ARHGEF25: variants seen among roughly 807,000 people sequenced by gnomAD.
ARHGEF25 encodes Rho guanine nucleotide exchange factor 25, also known as RAC/CDC42 exchange factor.
ARHGEF25 carries 42 observed loss-of-function variants against 74.0 expected under a neutral mutation model. The observed-to-expected ratio is 0.57, with a 90% CI of 0.44 to 0.73. ARHGEF25 has a LOEUF of 0.73. ARHGEF25 is among the 30% of genes least tolerant of loss of function. The pLI is 0.00. For missense variants in ARHGEF25, 645 were observed against 725.5 expected (o/e 0.89, Z 1.27); for synonymous variants, 293 against 278.6 (o/e 1.05, Z -0.51).
chr12:57,612,674 C>T (rs1884102273), intron 1 of ARHGEF25: 1 of 1,330,510 alleles, frequency 7.5e-7, no homozygotes, highest in African/African-American at 1.5e-5. Context: ...ATGCTATGCT[C>T]AGGATATGGG....
chr12:57,613,588 T>C, intron 4 of ARHGEF25, 72 bp downstream of exon 4: 1 of 1,611,892 alleles, frequency 6.2e-7, no homozygotes, highest in Non-Finnish European at 8.5e-7. Context: ...TAGATGGAAT[T>C]TCCTCCAAGG....
At chr12:57,613,555 C>T in intron 4 of ARHGEF25, 39 bp downstream of exon 4, 1 of 1,613,150 alleles carries the variant, frequency 6.2e-7, no homozygotes, top group Non-Finnish European at 8.5e-7. Flanking sequence ...TGCACAACTT[C>T]CAGAAGACTG....
Position 57,614,103 on chromosome 12 carries a change from T to C in ARHGEF25, c.640T>C (p.Tyr214His). ...TGTGTTTGGGAATATCCAGCAAATC[T>C]ATGAGTGGCACCGAGAGTGAGTGGT... The part of the protein sequence containing the change: ...RIVFGNIQQI[Y>H]EWHRDYFLQE... Residue 214 changes from tyrosine (Y) to histidine (H), a missense_variant, in exon 6 of 15, where the codon TAT becomes CAT. By Grantham distance (83) the Tyr-to-His change is moderately conservative. Transcript: ENST00000286494. This position sits in a 1 kb window ranked among gnomAD's most constrained non-coding sequence, Gnocchi z 4.6. The C allele has an allele frequency of 6.2e-7, 1 of 1,614,116 alleles. No individual in the cohort carries two copies. The highest frequency in any genetic ancestry group is 2.2e-5 in the East Asian group (1 of 44,872).
At chr12:57,610,175 GC>G, upstream of ARHGEF25, 2 of 1,246,498 alleles carry the variant, frequency 1.6e-6, no homozygotes, top group Admixed American at 2.3e-5. Flanking sequence ...CAGCTTCAGT[GC>G]CCCCTCGACC....
chr12:57,615,653 C>G lies in ARHGEF25; in HGVS notation c.1180C>G (p.Leu394Val). ...FEQIIIFSEA[L>V]GGGVRGGTQP... ...GCAAATCATCATCTTCAGTGAAGCCCTGGGAGGAGGAGTGAGAGGTGGAAC... is the reference window on the plus strand; with the variant it reads ...GCAAATCATCATCTTCAGTGAAGCCGTGGGAGGAGGAGTGAGAGGTGGAAC... The change falls in exon 12 of 15, where the codon CTG becomes GTG. Residue 394 changes from leucine (L) to valine (V), a missense_variant. Around this residue, in one of 3 missense-constraint regions of ARHGEF25, gnomAD observed 262 missense variants for 256.9 expected, o/e 1.02. Transcript: ENST00000286494. 1.2e-6 allele frequency: 2 copies of G among 1,614,084 alleles called. No individual in the cohort carries two copies. The highest frequency in any genetic ancestry group is 1.7e-6 in the Non-Finnish European group (2 of 1,180,024).
At position 57,611,576 on chromosome 12, in the gene ARHGEF25, C is replaced by A; in HGVS notation, c.-319C>A. 4.0e-6 allele frequency: 4 copies of A among 1,003,894 alleles called. No homozygotes were observed. Among genetic ancestry groups the A allele is most frequent in the Non-Finnish European group, 3.6e-6 (3 of 842,012 alleles). The allele number at this position is 1,003,894 out of a possible 1,614,324, so 62.2% of individuals were successfully genotyped here. A position where few individuals can be genotyped will look rare whatever the true frequency, so the allele number is the denominator to read the frequency against. ...AGCGGCTGCCGCATCCCGGCCCAGCCTCCCCTACCATCCCTCCCCCTTCCA... is the reference window on the plus strand; with the variant it reads ...AGCGGCTGCCGCATCCCGGCCCAGCATCCCCTACCATCCCTCCCCCTTCCA... On this transcript the variant is annotated 5_prime_UTR_variant, in exon 1 of 15. Coordinates refer to ENST00000286494, the MANE Select transcript of ARHGEF25 (RefSeq NM_182947.4). The surrounding 1 kb of genome is among the most constrained non-coding windows in gnomAD (Gnocchi z 4.5).
chr12:57,612,891 G>C (rs769212408), intron 1 of ARHGEF25, 39 bp from the exon 2 acceptor site: 5 of 1,593,514 alleles, frequency 3.1e-6, no homozygotes, highest in Non-Finnish European at 4.3e-6. Flanking sequence ...CTGGAGCTGG[G>C]GCAAGGTCTA....
rs1458507021 is a variant in ARHGEF25, at chr12:57,616,892, T to C, written c.1741T>C (p.Ter581GlnextTer52). 3.1e-6 allele frequency: 5 copies of C among 1,613,024 alleles called. No individual in the cohort carries two copies. In the East Asian group the frequency reaches 8.9e-5, roughly 29 times the overall value. The part of the protein sequence containing the change: ...RLAKLDEDEL[*>Q] ...TGCCAAGCTGGATGAAGATGAGCTG[T>C]AACTGGTGAAAACCATGGGGGTGGT... The change falls in exon 15 of 15, where the codon TAA becomes CAA. Residue 581 changes from the stop codon to glutamine, a stop_lost. Coordinates refer to ENST00000286494, the MANE Select transcript of ARHGEF25 (RefSeq NM_182947.4).
Position 57,614,468 on chromosome 12 carries a change from C to G in ARHGEF25, c.727-48C>G, listed in dbSNP as rs775471227. The stretch of plus-strand genomic sequence containing the variant: ...GGGCTGGGATTCTCTGGAGATGCGT[C>G]CTCCCTCCTTGCCCACCCTGCTCTC... On this transcript the variant is annotated intron_variant, in intron 7 of 14. Coordinates refer to ENST00000286494, the MANE Select transcript of ARHGEF25 (RefSeq NM_182947.4). The surrounding 1 kb of genome is among the most constrained non-coding windows in gnomAD (Gnocchi z 4.6). 3.1e-6 allele frequency: 5 copies of G among 1,613,828 alleles called. No homozygotes were observed. Among genetic ancestry groups the G allele is most frequent in the Admixed American group, 1.7e-5 (1 of 60,022 alleles).
Position 57,612,991 on chromosome 12 carries a change from T to C in ARHGEF25, c.159T>C (p.Ala53=), listed in dbSNP as rs145325473. 320 of 1,614,200 alleles carry C rather than the reference T, an allele frequency of 2.0e-4. No individual in the cohort carries two copies. The African/African-American group carries it at 3.5e-3, about 18-fold the overall frequency. The stretch of plus-strand genomic sequence containing the variant: ...CGGCTTCTGCTGCCTCCGGTCTGGC[T>C]GCCCCCTCTGGCCCCAGCTCTGGCC... The part of the protein sequence containing the change: ...SISASAASGL[A]APSGPSSGLS... Residue 53 remains alanine (A), a synonymous_variant, in exon 2 of 15, where the codon GCT becomes GCC. Coordinates refer to ENST00000286494, the MANE Select transcript of ARHGEF25 (RefSeq NM_182947.4).
rs200484337 is a variant in ARHGEF25 at position 57,615,493 on chromosome 12, A to G, written c.1039-19A>G. 7 of 1,613,986 alleles carry G rather than the reference A, an allele frequency of 4.3e-6. No individual in the cohort carries two copies. In the East Asian group the frequency reaches 1.1e-4, roughly 26 times the overall value. ...TTTTTCTTGTTCTTTTTCCAAGGCC[A>G]CTATCCTTTTGGTTTCAGGGCAAAC... On this transcript the variant is annotated intron_variant, in intron 11 of 14. Coordinates refer to ENST00000286494, the MANE Select transcript of ARHGEF25 (RefSeq NM_182947.4).
chr12:57,611,542 G>A lies in ARHGEF25; in HGVS notation c.-353G>A, dbSNP rs1884041238. The A allele has an allele frequency of 6.1e-6, 6 of 991,070 alleles. No homozygotes were observed. Among genetic ancestry groups the A allele is most frequent in the Non-Finnish European group, 7.2e-6 (6 of 833,874 alleles). 61.4% of individuals were successfully genotyped at this position (991,070 alleles called of 1,614,324 possible). On this transcript the variant is annotated 5_prime_UTR_variant, in exon 1 of 15. Coordinates refer to ENST00000286494, the MANE Select transcript of ARHGEF25 (RefSeq NM_182947.4). The surrounding 1 kb of genome is among the most constrained non-coding windows in gnomAD (Gnocchi z 4.5). Reference sequence around the variant, plus strand: ...GAGCCACCCCTAACCAGAGGCCGGAGACAGCTGGAGCGGCTGCCGCATCCC... The same window carrying A: ...GAGCCACCCCTAACCAGAGGCCGGAAACAGCTGGAGCGGCTGCCGCATCCC...
In ARHGEF25 at chr12:57,616,402, C is replaced by T; in HGVS notation, c.1539C>T (p.Gly513=). 6.2e-7 allele frequency: 1 copy of T among 1,614,142 alleles called. No individual in the cohort carries two copies. Among genetic ancestry groups the T allele is most frequent in the Non-Finnish European group, 8.5e-7 (1 of 1,180,022 alleles). The change falls in exon 14 of 15, where the codon GGC becomes GGT. Residue 513 remains glycine (G), a synonymous_variant. Coordinates refer to ENST00000286494, the MANE Select transcript of ARHGEF25 (RefSeq NM_182947.4). ...GRIQLGDQAQ[G]STHTPINGSL... Reference sequence around the variant, plus strand: ...TTCAGCTTGGAGATCAGGCCCAGGGCAGCACACACACACCCATCAATGGCT... The same window carrying T: ...TTCAGCTTGGAGATCAGGCCCAGGGTAGCACACACACACCCATCAATGGCT...
chr12:57,610,578 G>T, upstream of ARHGEF25: 1 of 1,609,790 alleles, frequency 6.2e-7, no homozygotes, highest in South Asian at 1.1e-5. Context: ...AGCCCCCAAG[G>T]AGAAGCCCTC....
intron 1 of ARHGEF25, chr12:57,612,629 T>A: frequency 9.7e-7 from 1 of 1,033,910 alleles, no homozygotes; most frequent in Non-Finnish European, 1.2e-6. Context: ...CAGCTTCCAA[T>A]GTCTGCCCAG....
intron 10 of ARHGEF25, 98 bp downstream of exon 10, chr12:57,615,115 G>A: frequency 1.3e-6 from 2 of 1,572,910 alleles, no homozygotes; most frequent in Non-Finnish European, 1.7e-6. Flanking sequence ...CAGCTGTCTG[G>A]TTTTTAGGGG....
chr12:57,611,761 C>A lies in ARHGEF25; in HGVS notation c.-134C>A. On this transcript the variant is annotated 5_prime_UTR_variant, in exon 1 of 15. Transcript: ENST00000286494. This position sits in a 1 kb window ranked among gnomAD's most constrained non-coding sequence, Gnocchi z 4.5. ...CTGGACACCTCCTCCCGGTCCCCTCCCTCCCCCCCTCCCACAGCCTGGACC... is the reference window on the plus strand; with the variant it reads ...CTGGACACCTCCTCCCGGTCCCCTCACTCCCCCCCTCCCACAGCCTGGACC... 1 of 1,159,162 alleles carries A rather than the reference C, an allele frequency of 8.6e-7. No homozygotes were observed. The highest frequency in any genetic ancestry group is 1.1e-6 in the Non-Finnish European group (1 of 928,568). 71.8% of individuals were successfully genotyped at this position (1,159,162 alleles called of 1,614,324 possible).
In ARHGEF25 at chr12:57,616,805, G is replaced by T. The variant is rs776051869; in HGVS notation, c.1654G>T (p.Ala552Ser). ...TCAGGCCCTTGGTGACATCCCCCAGGCTCCCCATGACTCTCCTCCAGTCTC... is the reference window on the plus strand; with the variant it reads ...TCAGGCCCTTGGTGACATCCCCCAGTCTCCCCATGACTCTCCTCCAGTCTC... Reference protein sequence around the residue: ...DKQALGDIPQAPHDSPPVSPT... With the variant: ...DKQALGDIPQSPHDSPPVSPT... The change falls in exon 15 of 15, where the codon GCT becomes TCT. Residue 552 changes from alanine (A) to serine (S), a missense_variant. Physicochemically the swap from Ala to Ser is moderately conservative, Grantham distance 99 (BLOSUM62 1). Transcript: ENST00000286494. 1.1e-5 allele frequency: 17 copies of T among 1,611,466 alleles called. No homozygotes were observed. In the Middle Eastern group the frequency reaches 1.2e-3, roughly 110 times the overall value.
chr12:57,610,484 T>A, upstream of ARHGEF25: 3 of 1,227,282 alleles, frequency 2.4e-6, no homozygotes, highest in East Asian at 7.6e-5. Flanking sequence ...TATAACAATG[T>A]GGGTTTTGAC....
Sources: gnomAD v4.1 joint callset for allele counts on GRCh38, gnomAD v4.1.1 for gene constraint, gnomAD v4.1.1 regional missense constraint, Gnocchi (gnomAD v3.1) non-coding constraint, MANE v1.5 for transcripts, NCBI Gene and HGNC (gene_info 2026-07-23, HGNC 2026-07-21) for gene names.